Variants in TMEM87B observed in about 807,000 individuals in gnomAD.
TMEM87B encodes transmembrane protein 87B.
Under a neutral mutation model 80.3 loss-of-function variants are expected in TMEM87B, and 83 were observed. That is an observed-to-expected ratio of 1.03 (90% confidence interval 0.87 to 1.24). The LOEUF is 1.24. Among genes scored for constraint, TMEM87B ranks in the 50% most tolerant of loss-of-function variants. TMEM87B has a pLI of 0.00. For missense variants in TMEM87B, 625 were observed against 674.4 expected (o/e 0.93, Z 0.81); for synonymous variants, 219 against 230.5 (o/e 0.95, Z 0.45).
intron 10 of TMEM87B, 60 bp from the exon 11 acceptor site, chr2:112,091,652 A>G (rs992616728): frequency 2.7e-6 from 3 of 1,113,238 alleles, no homozygotes; most frequent in Non-Finnish European, 4.0e-6. Flanking sequence ...TCAAATGATA[A>G]TTGCTATAGT....
Position 112,099,525 on chromosome 2 carries a change from CATATATATAT to C in TMEM87B, c.1376+849_1376+858del, listed in dbSNP as rs778514391. 1.4e-3 allele frequency among the ~76,000 whole-genome samples: 171 copies of C among 122,798 alleles called. 2 individuals are homozygous for C. Among genetic ancestry groups the C allele is most frequent in the African/African-American group, 4.9e-3 (149 of 30,502 alleles). 80.6% of individuals were successfully genotyped at this position (122,798 alleles called of 152,430 possible). ...TCCTTTTTAAAATTATACAATAATACATATATATATATATATATATATATATATATACACA... is the reference window on the plus strand; with the variant it reads ...TCCTTTTTAAAATTATACAATAATACATATATATATATATATATATACACA... On this transcript the variant is annotated intron_variant, in intron 14 of 18. Coordinates refer to ENST00000283206, the MANE Select transcript of TMEM87B (RefSeq NM_032824.3).
At chr2:112,067,193 T>C in intron 4 of TMEM87B, 126 bp downstream of exon 4, 2 of 1,275,630 alleles carry the variant, frequency 1.6e-6, no homozygotes, top group Non-Finnish European at 2.2e-6. Context: ...AAATAAAGTT[T>C]ATTTTATTCC....
At chr2:112,068,138 C>G (rs62157792) in intron 4 of TMEM87B, among the ~76,000 whole-genome samples, 1 of 152,026 alleles carries the variant, frequency 6.6e-6, no homozygotes, top group African/African-American at 2.4e-5. Context: ...CACTTGAACC[C>G]GGGAGGCAGA....
chr2:112,075,476 A>C lies in TMEM87B; in HGVS notation c.501+514A>C, dbSNP rs1341386233. 2.0e-5 allele frequency among the ~76,000 whole-genome samples: 3 copies of C among 152,238 alleles called. No individual in the cohort carries two copies. The East Asian group carries it at 5.8e-4, about 29-fold the overall frequency. On this transcript the variant is annotated intron_variant, in intron 5 of 18. Coordinates refer to ENST00000283206, the MANE Select transcript of TMEM87B (RefSeq NM_032824.3). ...TATCTTTGTCTAAAAATATCCTTAAAGCAATTTAAGATGCATTTCTATGCA... is the reference window on the plus strand; with the variant it reads ...TATCTTTGTCTAAAAATATCCTTAACGCAATTTAAGATGCATTTCTATGCA...
At chr2:112,110,290 C>T (rs913855893) in intron 17 of TMEM87B, among the ~76,000 whole-genome samples, 2 of 152,128 alleles carry the variant, frequency 1.3e-5, no homozygotes, top group Admixed American at 6.5e-5. Flanking sequence ...TTCTGCATCA[C>T]TGCACTGGAA....
intron 8 of TMEM87B, 119 bp from the exon 9 acceptor site, chr2:112,085,886 A>G: frequency 1.4e-6 from 1 of 728,384 alleles, no homozygotes; most frequent in Non-Finnish European, 2.2e-6. Context: ...TTTAAATCAA[A>G]TGTGGCTGAT....
intron 11 of TMEM87B, among the ~76,000 whole-genome samples, chr2:112,094,319 G>A (rs369698592): frequency 2.0e-5 from 3 of 151,966 alleles, no homozygotes; most frequent in African/African-American, 4.8e-5. Context: ...GCGCCACCAC[G>A]CCCAGCTAAT....
Position 112,097,217 on chromosome 2 carries a change from T to G in TMEM87B, c.1214-16T>G, listed in dbSNP as rs1679496934. The G allele has an allele frequency of 1.9e-6, 3 of 1,605,252 alleles. No individual in the cohort carries two copies. The highest frequency in any genetic ancestry group is 8.5e-7 in the Non-Finnish European group (1 of 1,177,882). On this transcript the variant is annotated splice_polypyrimidine_tract_variant and intron_variant, in intron 12 of 18. Coordinates refer to ENST00000283206, the MANE Select transcript of TMEM87B (RefSeq NM_032824.3). ...ATTGTTATATTCCTTCAAAGGTGAC[T>G]TTTTGTGTGTTTCAGCTTCTATAGT...
intron 11 of TMEM87B, among the ~76,000 whole-genome samples, chr2:112,094,293 C>G (rs1045659659): frequency 1.3e-5 from 2 of 151,968 alleles, no homozygotes; most frequent in African/African-American, 4.8e-5. Flanking sequence ...TCCCGAGTAG[C>G]TGGGACTACA....
At chr2:112,065,547 A>G (rs530444222) in intron 3 of TMEM87B, among the ~76,000 whole-genome samples, 11 of 150,358 alleles carry the variant, frequency 7.3e-5, no homozygotes, top group Non-Finnish European at 1.0e-4. Context: ...CGGGAGGTTT[A>G]GGCCGGAGGA....
At chr2:112,091,880 T>C in intron 11 of TMEM87B, 97 bp downstream of exon 11, 1 of 967,636 alleles carries the variant, frequency 1.0e-6, no homozygotes, top group Non-Finnish European at 1.6e-6. Flanking sequence ...CAGTTATGCA[T>C]TTTTGTTACC....
In TMEM87B at chr2:112,116,222, T is replaced by G. The variant is rs1263770085; in HGVS notation, c.*79T>G. On this transcript the variant is annotated 3_prime_UTR_variant, in exon 19 of 19. Transcript: ENST00000283206. ...ACTGAAAGTGAGCTTTGATTTGATATTGCCTAAAAATTTTTATTGTGTTAT... is the reference window on the plus strand; with the variant it reads ...ACTGAAAGTGAGCTTTGATTTGATAGTGCCTAAAAATTTTTATTGTGTTAT... The G allele has an allele frequency of 1.6e-6, 2 of 1,290,046 alleles. No homozygotes were observed. The highest frequency in any genetic ancestry group is 2.2e-6 in the Non-Finnish European group (2 of 925,196). 79.9% of individuals were successfully genotyped at this position (1,290,046 alleles called of 1,614,324 possible). A position where few individuals can be genotyped will look rare whatever the true frequency, so the allele number is the denominator to read the frequency against.
At chr2:112,115,353 T>C (rs1465700638) in intron 18 of TMEM87B, among the ~76,000 whole-genome samples, 2 of 109,062 alleles carry the variant, frequency 1.8e-5, no homozygotes, top group Non-Finnish European at 3.7e-5. Context: ...GATGTAGCAT[T>C]ACAGAAAGAT....
intron 14 of TMEM87B, among the ~76,000 whole-genome samples, chr2:112,100,013 C>A (rs1679587451): frequency 6.6e-6 from 1 of 151,784 alleles, no homozygotes; most frequent in East Asian, 1.9e-4. Context: ...TATAAGCAGT[C>A]CCTGGTTATT....
In TMEM87B at chr2:112,118,387, A is replaced by T. The variant is rs889142697; in HGVS notation, c.*2244A>T. 5 of 152,122 alleles carry T rather than the reference A, an allele frequency of 3.3e-5. No homozygotes were observed. Among genetic ancestry groups the T allele is most frequent in the Admixed American group, 1.3e-4 (2 of 15,278 alleles). The allele number at this position is 152,122 out of a possible 1,614,324, so 9.4% of individuals were successfully genotyped here. ...TCAGGGCCTCTGAGGCACTCAAATC[A>T]GTTTACTTTTAGCATGCCCCCATCA... On this transcript the variant is annotated 3_prime_UTR_variant, in exon 19 of 19. Coordinates refer to ENST00000283206, the MANE Select transcript of TMEM87B (RefSeq NM_032824.3).
chr2:112,082,462 T>C (rs952383731), intron 8 of TMEM87B, among the ~76,000 whole-genome samples: 2 of 152,134 alleles, frequency 1.3e-5, no homozygotes, highest in Non-Finnish European at 2.9e-5. Flanking sequence ...TGAAACAAAT[T>C]TGGCGTAACG....
chr2:112,100,527 A>T, intron 14 of TMEM87B, 95 bp from the exon 15 acceptor site: 1 of 707,916 alleles, frequency 1.4e-6, no homozygotes, highest in Non-Finnish European at 2.3e-6. Context: ...GAAATTTTTT[A>T]AATGTAGATT....
Position 112,061,943 on chromosome 2 carries a change from G to C in TMEM87B, c.226+1906G>C, listed in dbSNP as rs532510174. On this transcript the variant is annotated intron_variant, in intron 2 of 18. Transcript: ENST00000283206. ...AGTTGTGGATATAGCATCCACCTGA[G>C]CCTCCTTGGTCTGGTGCCATGCTCA... Among the ~76,000 whole-genome samples the C allele has an allele frequency of 2.0e-5, 3 of 152,320 alleles. No homozygotes were observed. The South Asian group carries it at 6.2e-4, about 32-fold the overall frequency.
At chr2:112,089,600 C>G in intron 9 of TMEM87B, 25 bp from the exon 10 acceptor site, 2 of 1,610,540 alleles carry the variant, frequency 1.2e-6, no homozygotes, top group South Asian at 2.2e-5. Context: ...TTTCTTCTTT[C>G]TCTGTTTCCT....
Sources: allele counts gnomAD v4.1 joint callset (sites outside exome capture counted in the v4.1 genomes callset), GRCh38; gene constraint gnomAD v4.1.1; transcripts MANE v1.5; gene names NCBI Gene and HGNC (gene_info 2026-07-23, HGNC 2026-07-21).